ATOSA: variants seen among roughly 807,000 people sequenced by gnomAD.
ATOSA encodes the protein atos homolog protein A.
the ATOSA span, among the ~76,000 whole-genome samples, chr15:52,606,807 A>C: frequency 2.6e-5 from 4 of 152,168 alleles, no homozygotes; most frequent in Admixed American, 6.6e-5. Context: ...AACATGGCAA[A>C]ATTTTAAAAC....
chr15:52,702,400 T>C, the ATOSA span, among the ~76,000 whole-genome samples: 2 of 152,118 alleles, frequency 1.3e-5, no homozygotes, highest in African/African-American at 4.8e-5. Context: ...ATGTGGTACA[T>C]ATACACCATG....
chr15:52,640,571 C>CAAAAAAAAAAAAAA, the ATOSA span, among the ~76,000 whole-genome samples: 12 of 27,570 alleles, frequency 4.4e-4, 3 homozygotes, highest in African/African-American at 2.0e-3. Flanking sequence ...ACTCAAGTCT[C>CAAAAAAAAAAAAAA]AAAAAAAAAA....
At chr15:52,636,817 G>A in the ATOSA span, among the ~76,000 whole-genome samples, 1 of 152,174 alleles carries the variant, frequency 6.6e-6, no homozygotes, top group South Asian at 2.1e-4. Context: ...AGGCATGGTG[G>A]GGCCTGCATG....
At chr15:52,667,824 T>C in the ATOSA span, among the ~76,000 whole-genome samples, 13 of 152,292 alleles carry the variant, frequency 8.5e-5, no homozygotes, top group Non-Finnish European at 1.5e-4. Flanking sequence ...ACATTACTAA[T>C]AACCAGAGAA....
chr15:52,601,236 CT>C, the ATOSA span: 1 of 918,028 alleles, frequency 1.1e-6, no homozygotes, highest in Admixed American at 3.0e-5. Flanking sequence ...TGATAAAACA[CT>C]TTTTAAATGA....
the ATOSA span, among the ~76,000 whole-genome samples, chr15:52,694,920 G>GAAT: frequency 3.1e-5 from 4 of 130,440 alleles, no homozygotes; most frequent in Non-Finnish European, 6.7e-5. Flanking sequence ...TTTTTTTTCT[G>GAAT]TTTTTTTTTG....
At chr15:52,672,331 A>G in the ATOSA span, among the ~76,000 whole-genome samples, 11 of 152,042 alleles carry the variant, frequency 7.2e-5, no homozygotes, top group African/African-American at 2.4e-4. Flanking sequence ...TCTGAGTGAC[A>G]CAGTAAGACC....
At chr15:52,582,035 G>A in the ATOSA span, 1 of 781,792 alleles carries the variant, frequency 1.3e-6, no homozygotes, top group Non-Finnish European at 1.9e-6. Flanking sequence ...ATAAAAACTG[G>A]TCCAGGATAA....
chr15:52,668,839 T>C, the ATOSA span, among the ~76,000 whole-genome samples: 2 of 140,532 alleles, frequency 1.4e-5, no homozygotes, highest in African/African-American at 5.4e-5. Context: ...TGTAAAATGG[T>C]CACAATTAAT....
At chr15:52,673,651 C>T in the ATOSA span, among the ~76,000 whole-genome samples, 3 of 152,196 alleles carry the variant, frequency 2.0e-5, no homozygotes, top group Admixed American at 1.3e-4. Context: ...TAGCAAAAGG[C>T]CGCTTTATTT....
At chr15:52,611,822 A>G in the ATOSA span, 1 of 1,567,424 alleles carries the variant, frequency 6.4e-7, no homozygotes, top group Non-Finnish European at 8.8e-7. Flanking sequence ...AAACCCACCT[A>G]ATTTTGTGTT....
At chr15:52,697,957 A>ATTTTTTTTTTTTTTTT in the ATOSA span, among the ~76,000 whole-genome samples, 60 of 44,774 alleles carry the variant, frequency 1.3e-3, 10 homozygotes, top group South Asian at 2.7e-3. Context: ...GGGATGTAGA[A>ATTTTTTTTTTTTTTTT]TTTTTTTTTT....
At chr15:52,629,058 C>T in the ATOSA span, among the ~76,000 whole-genome samples, 1 of 152,190 alleles carries the variant, frequency 6.6e-6, no homozygotes, top group Non-Finnish European at 1.5e-5. Flanking sequence ...AGAAAGCCTT[C>T]AATCTATAAG....
the ATOSA span, among the ~76,000 whole-genome samples, chr15:52,636,302 A>G: frequency 3.4e-4 from 51 of 152,228 alleles, no homozygotes; most frequent in African/African-American, 1.1e-3. Flanking sequence ...GGTGATTTTA[A>G]CAGTCATTGC....
At chr15:52,621,365 C>T in the ATOSA span, among the ~76,000 whole-genome samples, 1 of 152,176 alleles carries the variant, frequency 6.6e-6, no homozygotes, top group Non-Finnish European at 1.5e-5. Flanking sequence ...TGTAAATAAA[C>T]CACTATTCTC....
At chr15:52,637,522 A>G in the ATOSA span, among the ~76,000 whole-genome samples, 3 of 152,172 alleles carry the variant, frequency 2.0e-5, no homozygotes, top group Admixed American at 6.5e-5. Context: ...TGTACCTCCT[A>G]ATAGCTCTAA....
the ATOSA span, among the ~76,000 whole-genome samples, chr15:52,606,854 C>G: frequency 6.6e-6 from 1 of 152,078 alleles, no homozygotes; most frequent in Non-Finnish European, 1.5e-5. Flanking sequence ...ATAAAGAAGA[C>G]AAACTTAGGT....
the ATOSA span, among the ~76,000 whole-genome samples, chr15:52,668,697 C>T: frequency 6.6e-6 from 1 of 151,448 alleles, no homozygotes; most frequent in African/African-American, 2.4e-5. Context: ...AATGTGTCAA[C>T]TGAAAAAAGT....
the ATOSA span, among the ~76,000 whole-genome samples, chr15:52,703,370 A>C: frequency 1.3e-5 from 2 of 152,280 alleles, no homozygotes; most frequent in Non-Finnish European, 2.9e-5. Context: ...AGCTCACAAA[A>C]ATGGTCTTTA....
Sources: allele counts gnomAD v4.1 joint callset (sites outside exome capture counted in the v4.1 genomes callset), GRCh38; gene constraint gnomAD v4.1.1; transcripts MANE v1.5; gene names NCBI Gene and HGNC (gene_info 2026-07-23, HGNC 2026-07-21).